Variants in ZNF609 observed in about 807,000 individuals in gnomAD.
ZNF609 encodes zinc finger protein 609.
Under a neutral mutation model 109.5 loss-of-function variants are expected in ZNF609, and 11 were observed. The ratio of observed to expected loss-of-function variants is 0.10; its 90% CI spans 0.06 to 0.17. The LOEUF is 0.17. Among genes scored for constraint, ZNF609 ranks in the 10% least tolerant of loss-of-function variants. The pLI, the probability that ZNF609 is intolerant of heterozygous loss-of-function variation, is 1.00. For missense variants in ZNF609, 1,559 were observed against 1,772.4 expected, an observed-to-expected ratio of 0.88 and a Z score of 2.16; for synonymous variants, 646 against 662.0, an observed-to-expected ratio of 0.98 and a Z score of 0.37.
At chr15:64,636,788 A>G (rs1896184089) in intron 3 of ZNF609, among the ~76,000 whole-genome samples, 1 of 152,226 alleles carries the variant, frequency 6.6e-6, no homozygotes, top group Non-Finnish European at 1.5e-5. Context: ...CCTGAAGTAT[A>G]GAACTGGCCT....
intron 2 of ZNF609, among the ~76,000 whole-genome samples, chr15:64,537,589 T>C (rs1894175989): frequency 6.6e-6 from 1 of 151,990 alleles, no homozygotes; most frequent in Non-Finnish European, 1.5e-5. Flanking sequence ...AGAGCTGTAT[T>C]ACACAGAAAT....
At chr15:64,604,677 C>T (rs1422493103) in intron 2 of ZNF609, among the ~76,000 whole-genome samples, 2 of 152,112 alleles carry the variant, frequency 1.3e-5, no homozygotes, top group Admixed American at 6.6e-5. Context: ...CTAGTTTAAG[C>T]AAACAAAGAA....
At chr15:64,599,168 GTTTTTTTTTTTTTTTTT>G (rs556122154) in intron 2 of ZNF609, among the ~76,000 whole-genome samples, 1 of 46,494 alleles carries the variant, frequency 2.2e-5, no homozygotes, top group Admixed American at 2.5e-4. Flanking sequence ...TTTTGTGGTG[GTTTTTTTTTTTTTTTTT>G]TTTTTTTTTT....
chr15:64,578,235 G>T (rs1895035592), intron 2 of ZNF609, among the ~76,000 whole-genome samples: 1 of 148,000 alleles, frequency 6.8e-6, no homozygotes, highest in Admixed American at 6.8e-5. Context: ...CCCAGCCAAG[G>T]TTTTTTTTTT....
chr15:64,574,485 C>T (rs1329859037), intron 2 of ZNF609, among the ~76,000 whole-genome samples: 1 of 152,180 alleles, frequency 6.6e-6, no homozygotes, highest in African/African-American at 2.4e-5. Context: ...CTCACTTGAT[C>T]TGTTGTCTTT....
At chr15:64,525,331 G>A (rs1893954639) in intron 2 of ZNF609, among the ~76,000 whole-genome samples, 1 of 152,106 alleles carries the variant, frequency 6.6e-6, no homozygotes, top group Non-Finnish European at 1.5e-5. Context: ...TCGTTGAAAA[G>A]ACTATTCTTA....
At chr15:64,517,896 C>T (rs953990533) in intron 2 of ZNF609, among the ~76,000 whole-genome samples, 5 of 151,946 alleles carry the variant, frequency 3.3e-5, no homozygotes, top group Non-Finnish European at 7.4e-5. Flanking sequence ...CCTCCCAACT[C>T]AGCCTCCCAA....
chr15:64,564,853 T>TTTTTC (rs1894749738), intron 2 of ZNF609, among the ~76,000 whole-genome samples: 1 of 151,896 alleles, frequency 6.6e-6, no homozygotes, highest in Non-Finnish European at 1.5e-5. Flanking sequence ...GTTTTTTTTT[T>TTTTTC]TTTTTCTTTT....
rs911630358 is a variant in ZNF609, at chr15:64,596,633, A to G, written c.748-26194A>G. ...TCCCTTCTCATTGTTCTCTTATCACATGACCTATTTGTCTCCTAATAGCAG... is the reference window on the plus strand; with the variant it reads ...TCCCTTCTCATTGTTCTCTTATCACGTGACCTATTTGTCTCCTAATAGCAG... On this transcript the variant is annotated intron_variant, in intron 2 of 9. Transcript: ENST00000326648. Among the ~76,000 whole-genome samples the G allele has an allele frequency of 8.5e-5, 13 of 152,258 alleles. No individual in the cohort carries two copies. In the East Asian group the frequency reaches 2.5e-3, roughly 29 times the overall value.
At chr15:64,598,257 G>A (rs1013474913) in intron 2 of ZNF609, among the ~76,000 whole-genome samples, 1 of 152,068 alleles carries the variant, frequency 6.6e-6, no homozygotes, top group African/African-American at 2.4e-5. Context: ...TGGGATTACA[G>A]GTATGCACCA....
chr15:64,680,417 G>C, intron 7 of ZNF609, 57 bp downstream of exon 7: 2 of 1,589,654 alleles, frequency 1.3e-6, no homozygotes, highest in Non-Finnish European at 1.7e-6. Context: ...GCCAGATCCA[G>C]GGTCTGGGAG....
chr15:64,560,156 C>G (rs1894653304), intron 2 of ZNF609, among the ~76,000 whole-genome samples: 2 of 152,164 alleles, frequency 1.3e-5, no homozygotes, highest in South Asian at 4.1e-4. Flanking sequence ...AGTGATTCTC[C>G]TGCCTCAGCC....
chr15:64,545,636 A>G (rs563544386), intron 2 of ZNF609, among the ~76,000 whole-genome samples: 1 of 152,268 alleles, frequency 6.6e-6, no homozygotes, highest in Non-Finnish European at 1.5e-5. Flanking sequence ...AGAACGTTTT[A>G]ATTTCCCCAA....
chr15:64,537,034 C>T (rs1282122844), intron 2 of ZNF609, among the ~76,000 whole-genome samples: 1 of 151,322 alleles, frequency 6.6e-6, no homozygotes, highest in African/African-American at 2.4e-5. Flanking sequence ...ACCAGCCTGG[C>T]CAACATGGCG....
chr15:64,612,931 C>G (rs1895740937), intron 2 of ZNF609, among the ~76,000 whole-genome samples: 1 of 152,102 alleles, frequency 6.6e-6, no homozygotes, highest in Non-Finnish European at 1.5e-5. Context: ...AGGAGAATCA[C>G]TTGAACCCAG....
intron 3 of ZNF609, among the ~76,000 whole-genome samples, chr15:64,663,951 AGTC>A (rs567403900): frequency 8.9e-4 from 135 of 152,286 alleles, no homozygotes; most frequent in African/African-American, 3.0e-3. Context: ...GAACCTGGCC[AGTC>A]GTGGTGGCTC....
chr15:64,489,413 C>G (rs1170017044), intron 1 of ZNF609, among the ~76,000 whole-genome samples: 1 of 151,732 alleles, frequency 6.6e-6, no homozygotes, highest in African/African-American at 2.4e-5. Context: ...AACTCCTGAC[C>G]TTGTGATCCA....
chr15:64,609,720 ATATGT>A (rs1895685441), intron 2 of ZNF609, among the ~76,000 whole-genome samples: 1 of 150,568 alleles, frequency 6.6e-6, no homozygotes, highest in Admixed American at 6.7e-5. Flanking sequence ...GAGGGGGAAA[ATATGT>A]TAAGTATATG....
intron 1 of ZNF609, among the ~76,000 whole-genome samples, chr15:64,471,529 C>T (rs1893090999): frequency 6.6e-6 from 1 of 152,132 alleles, no homozygotes; most frequent in Non-Finnish European, 1.5e-5. Flanking sequence ...AAGTGTTCCA[C>T]TTGAATGTGA....
Sources: allele counts gnomAD v4.1 joint callset (sites outside exome capture counted in the v4.1 genomes callset), GRCh38; gene constraint gnomAD v4.1.1; transcripts MANE v1.5; gene names NCBI Gene and HGNC (gene_info 2026-07-23, HGNC 2026-07-21).